The following NMU variants were observed in gnomAD, a reference collection of about 807,000 sequenced individuals.
The protein encoded by NMU is neuromedin-U.
NMU carries 29 observed loss-of-function variants against 35.4 expected under a neutral mutation model. The ratio of observed to expected loss-of-function variants is 0.82; its 90% CI spans 0.61 to 1.12. NMU has a LOEUF of 1.12. Ranked by LOEUF, NMU falls within the 50% of genes most tolerant of loss-of-function variation. The pLI, the probability that NMU is intolerant of heterozygous loss-of-function variation, is 0.00. For missense variants in NMU, 199 were observed against 206.2 expected (o/e 0.97, Z 0.21); for synonymous variants, 78 against 81.3 (o/e 0.96, Z 0.22).
intron 3 of NMU, 40 bp downstream of exon 3, chr4:55,616,298 A>G (rs367590647): frequency 1.6e-4 from 234 of 1,503,098 alleles, no homozygotes; most frequent in Non-Finnish European, 2.8e-5. Context: ...GCACTACACA[A>G]ACACCTACAT....
intron 7 of NMU, among the ~76,000 whole-genome samples, chr4:55,604,534 C>CTTTT (rs199852859): frequency 7.3e-6 from 1 of 136,690 alleles, no homozygotes; most frequent in Non-Finnish European, 1.6e-5. Context: ...CAAACTCTTA[C>CTTTT]TTTTTTTTTT....
At chr4:55,618,721 C>CGCTT (rs1553910944) in intron 2 of NMU, among the ~76,000 whole-genome samples, 6 of 143,894 alleles carry the variant, frequency 4.2e-5, no homozygotes, top group African/African-American at 1.5e-4. Context: ...TCTTTCTTCT[C>CGCTT]TCTTTCTTCT....
Position 55,607,363 on chromosome 4 carries a change from CAGTA to C in NMU, c.310-19_310-16del. The stretch of plus-strand genomic sequence containing the variant: ...TGAAATAAGAACTGTTTAAAAAAAG[CAGTA>C]AGTTTTACTATAAAAATTAATGGTT... On this transcript the variant is annotated splice_polypyrimidine_tract_variant and intron_variant, in intron 5 of 9. Transcript: ENST00000264218. The C allele has an allele frequency of 1.3e-6, 2 of 1,583,590 alleles. No homozygotes were observed. Among genetic ancestry groups the C allele is most frequent in the Non-Finnish European group, 1.7e-6 (2 of 1,153,246 alleles).
Position 55,595,563 on chromosome 4 carries a change from T to TATACAC in NMU, c.*5-153_*5-152insGTGTAT, listed in dbSNP as rs755203914. On this transcript the variant is annotated intron_variant, in intron 9 of 9. Coordinates refer to ENST00000264218, the MANE Select transcript of NMU (RefSeq NM_006681.4). ...AGCTGTATATATATATATATATATA[T>TATACAC]ACACACACACACACACACACATGCA... 2.7e-4 allele frequency among the ~76,000 whole-genome samples: 33 copies of TATACAC among 120,054 alleles called. 2 individuals carry two copies. The South Asian group carries it at 5.6e-3, about 20-fold the overall frequency. The allele number at this position is 120,054 out of a possible 152,430, so 78.8% of individuals were successfully genotyped here.
chr4:55,633,309 A>G (rs151270447), intron 1 of NMU, among the ~76,000 whole-genome samples: 6 of 150,438 alleles, frequency 4.0e-5, no homozygotes, highest in African/African-American at 1.5e-4. Flanking sequence ...TGGGCAACAG[A>G]TCGAGATTCT....
intron 2 of NMU, among the ~76,000 whole-genome samples, chr4:55,619,521 C>T (rs1258863459): frequency 3.5e-5 from 5 of 142,970 alleles, no homozygotes; most frequent in East Asian, 2.1e-4. Context: ...CCTACGCCCA[C>T]GGAATCTCGC....
At chr4:55,635,483 C>A (rs555573972) in intron 1 of NMU, among the ~76,000 whole-genome samples, 1 of 152,276 alleles carries the variant, frequency 6.6e-6, no homozygotes, top group South Asian at 2.1e-4. Context: ...TTCTCTATTC[C>A]TTTTCCTGAT....
intron 1 of NMU, 48 bp from the exon 2 acceptor site, chr4:55,630,508 A>G (rs747311239): frequency 8.5e-5 from 117 of 1,372,378 alleles, no homozygotes; most frequent in Non-Finnish European, 1.1e-4. Context: ...CATTTCTTCT[A>G]AAATTAAATA....
At position 55,595,643 on chromosome 4, in the gene NMU, ATTT is replaced by A. The variant is rs1211166376; in HGVS notation, c.*5-235_*5-233del. On this transcript the variant is annotated intron_variant, in intron 9 of 9. Transcript: ENST00000264218. ...TGTGTGTATATATATATATATATAT[ATTT>A]TTTTTTTTTTTTGAGACAGAGTCTT... Among the ~76,000 whole-genome samples the A allele has an allele frequency of 5.5e-3, 366 of 66,374 alleles. No homozygotes were observed. The Middle Eastern group carries it at 0.065, about 12-fold the overall frequency. The allele number at this position is 66,374 out of a possible 152,430, so 43.5% of individuals were successfully genotyped here.
At chr4:55,612,482 T>C (rs1481372020) in intron 3 of NMU, among the ~76,000 whole-genome samples, 1 of 152,142 alleles carries the variant, frequency 6.6e-6, no homozygotes, top group Non-Finnish European at 1.5e-5. Context: ...CCCAGTGATG[T>C]CATGTGTCAA....
chr4:55,606,171 A>G (rs540242023), intron 6 of NMU, among the ~76,000 whole-genome samples: 1 of 152,366 alleles, frequency 6.6e-6, no homozygotes, highest in South Asian at 2.1e-4. Flanking sequence ...ACTGAGTTTA[A>G]GATTATAGTT....
At chr4:55,603,634 C>A (rs1379600615) in intron 7 of NMU, among the ~76,000 whole-genome samples, 1 of 151,586 alleles carries the variant, frequency 6.6e-6, no homozygotes, top group Admixed American at 6.6e-5. Context: ...TCCTAGAGGC[C>A]GGGCGCAGTG....
chr4:55,598,215 T>C (rs1431822411), intron 9 of NMU, among the ~76,000 whole-genome samples: 1 of 150,552 alleles, frequency 6.6e-6, no homozygotes, highest in East Asian at 2.0e-4. Flanking sequence ...TCTCAGCCTC[T>C]GAAGTAGCTA....
intron 2 of NMU, among the ~76,000 whole-genome samples, chr4:55,630,106 A>T (rs972080952): frequency 6.6e-6 from 1 of 152,022 alleles, no homozygotes; most frequent in Non-Finnish European, 1.5e-5. Context: ...TGGATCTATT[A>T]AAAAAATCCA....
intron 8 of NMU, among the ~76,000 whole-genome samples, 158 bp downstream of exon 8, chr4:55,600,364 A>G (rs1733374099): frequency 6.6e-6 from 1 of 152,300 alleles, no homozygotes; most frequent in Non-Finnish European, 1.5e-5. Flanking sequence ...GTATTGAAGC[A>G]ATAAGGTGGT....
upstream of NMU, chr4:55,636,308 G>C (rs1715930292): frequency 7.5e-7 from 1 of 1,337,428 alleles, no homozygotes; most frequent in African/African-American, 1.6e-5. This position sits in a 1 kb window ranked among gnomAD's most constrained non-coding sequence, Gnocchi z 4.0. Context: ...TGAGCGCCCG[G>C]CGAGCCGCCA....
intron 2 of NMU, among the ~76,000 whole-genome samples, chr4:55,627,728 T>C (rs1734590333): frequency 6.6e-6 from 1 of 152,176 alleles, no homozygotes; most frequent in Admixed American, 6.5e-5. Context: ...AATCCAAAAA[T>C]CTCCTGAACT....
At chr4:55,613,633 C>T (rs1323112656) in intron 3 of NMU, among the ~76,000 whole-genome samples, 1 of 152,042 alleles carries the variant, frequency 6.6e-6, no homozygotes, top group Non-Finnish European at 1.5e-5. Flanking sequence ...TGCCTTTATG[C>T]AGTCAGTCCC....
At chr4:55,625,291 T>A (rs1367770647) in intron 2 of NMU, among the ~76,000 whole-genome samples, 1 of 152,058 alleles carries the variant, frequency 6.6e-6, no homozygotes, top group East Asian at 1.9e-4. Flanking sequence ...TTTGCAAGTC[T>A]GAGTTTTTTC....
Sources: allele counts gnomAD v4.1 joint callset (sites outside exome capture counted in the v4.1 genomes callset), GRCh38; gene constraint gnomAD v4.1.1; non-coding constraint Gnocchi (gnomAD v3.1); transcripts MANE v1.5; gene names NCBI Gene and HGNC (gene_info 2026-07-23, HGNC 2026-07-21).